The following CPM variants were observed in gnomAD, a reference collection of about 807,000 sequenced individuals.
CPM encodes renal carboxypeptidase.
A neutral mutation model predicts 46.4 loss-of-function variants in CPM; 35 were observed. That is an observed-to-expected ratio of 0.75 (90% CI 0.58 to 1.00). CPM has a LOEUF of 1.00. CPM is among the 50% of genes least tolerant of loss of function. The pLI is 0.00. For missense variants in CPM, 422 were observed against 530.4 expected (o/e 0.80, Z 2.01); for synonymous variants, 195 against 195.3 (o/e 1.00, Z 0.01).
At chr12:68,933,025 G>C (rs1184040687) in intron 1 of CPM, 117 bp downstream of exon 1, 1 of 543,088 alleles carries the variant, frequency 1.8e-6, no homozygotes, top group Non-Finnish European at 3.2e-6. Context: ...CGGGAGCACG[G>C]GCAGCCTCGG....
chr12:68,879,405 C>A (rs747907137), intron 3 of CPM, among the ~76,000 whole-genome samples: 3 of 152,016 alleles, frequency 2.0e-5, no homozygotes, highest in Non-Finnish European at 2.9e-5. Flanking sequence ...GCTTTGTCAC[C>A]CAGGCTGAAG....
chr12:68,865,973 C>T (rs913073667), intron 7 of CPM, among the ~76,000 whole-genome samples: 1 of 152,106 alleles, frequency 6.6e-6, no homozygotes, highest in African/African-American at 2.4e-5. Context: ...CCGGTGAGTC[C>T]ACTGCACGTT....
chr12:68,861,807 C>T (rs1280110455), intron 7 of CPM, among the ~76,000 whole-genome samples: 1 of 148,996 alleles, frequency 6.7e-6, no homozygotes, highest in Non-Finnish European at 1.5e-5. Flanking sequence ...GGATTACAGG[C>T]GTGAGCCATC....
intron 2 of CPM, among the ~76,000 whole-genome samples, chr12:68,900,504 A>T (rs888706215): frequency 6.6e-6 from 1 of 152,244 alleles, no homozygotes; most frequent in Non-Finnish European, 1.5e-5. Flanking sequence ...TACTCTTGCC[A>T]TATGATCCAG....
downstream of CPM, chr12:68,848,154 TCATTAAA>T (rs940098030): frequency 1.3e-5 from 2 of 152,320 alleles, no homozygotes; most frequent in African/African-American, 4.8e-5. Context: ...AACAGTATGT[TCATTAAA>T]CATTAATCTC....
At chr12:68,961,920 G>T (rs759886851) in intron 1 of CPM, among the ~76,000 whole-genome samples, 29 of 152,172 alleles carry the variant, frequency 1.9e-4, no homozygotes, top group Non-Finnish European at 3.7e-4. Context: ...GGTAATAATG[G>T]CCGGGCGTGG....
chr12:68,858,778 A>C, intron 8 of CPM, 145 bp downstream of exon 8: 1 of 412,408 alleles, frequency 2.4e-6, no homozygotes, highest in Non-Finnish European at 4.1e-6. Flanking sequence ...ACCTCCTGCC[A>C]ATTGCAAGTC....
chr12:68,900,525 C>A (rs1887070117), intron 2 of CPM, among the ~76,000 whole-genome samples: 1 of 152,128 alleles, frequency 6.6e-6, no homozygotes, highest in African/African-American at 2.4e-5. Context: ...CAAACAAGCT[C>A]CTTGTTATTT....
chr12:68,905,796 G>A (rs577598582), intron 2 of CPM, among the ~76,000 whole-genome samples: 5 of 152,182 alleles, frequency 3.3e-5, no homozygotes, highest in East Asian at 1.9e-4. Flanking sequence ...AAATAGAAGC[G>A]ATGTCTTGGG....
chr12:68,951,378 AC>A (rs994361260), intron 1 of CPM, among the ~76,000 whole-genome samples: 3 of 152,206 alleles, frequency 2.0e-5, no homozygotes, highest in African/African-American at 7.2e-5. Flanking sequence ...AGGCAAGTTA[AC>A]TAGAGTGTGG....
At chr12:68,895,975 T>C (rs1236052136) in intron 2 of CPM, among the ~76,000 whole-genome samples, 1 of 152,102 alleles carries the variant, frequency 6.6e-6, no homozygotes, top group Non-Finnish European at 1.5e-5. Context: ...CTTCAATGAC[T>C]CCCCATGGCA....
At chr12:68,961,160 T>A (rs942571584) in intron 1 of CPM, among the ~76,000 whole-genome samples, 3 of 151,942 alleles carry the variant, frequency 2.0e-5, no homozygotes, top group Admixed American at 6.6e-5. Flanking sequence ...TTAAAAAAAT[T>A]TTTTTTTGAG....
chr12:68,914,019 C>G (rs1887706720), intron 2 of CPM: 23 of 713,832 alleles, frequency 3.2e-5, no homozygotes, highest in South Asian at 2.9e-4. Flanking sequence ...GGACTGCGGC[C>G]TCTTCAAATC....
rs1393585525 is a variant in CPM at position 68,873,187 on chromosome 12, C to T, written c.259-1231G>A. ...AGTGCTGCAGGCACATTCATGTAGACACTGTGCAAGAAAAGATTTCATGGA... is the reference window on the plus strand; with the variant it reads ...AGTGCTGCAGGCACATTCATGTAGATACTGTGCAAGAAAAGATTTCATGGA... On this transcript the variant is annotated intron_variant, in intron 3 of 8. Transcript: ENST00000551568. 2.6e-5 allele frequency among the ~76,000 whole-genome samples: 4 copies of T among 152,164 alleles called. No individual in the cohort carries two copies. The East Asian group carries it at 7.7e-4, about 29-fold the overall frequency.
intron 7 of CPM, among the ~76,000 whole-genome samples, chr12:68,865,939 G>A (rs1233653669): frequency 6.6e-6 from 1 of 152,140 alleles, no homozygotes; most frequent in Non-Finnish European, 1.5e-5. Context: ...GTTGGGGCCT[G>A]GCAATCTGTT....
At chr12:68,911,669 T>G (rs1887599583) in intron 2 of CPM, among the ~76,000 whole-genome samples, 1 of 152,206 alleles carries the variant, frequency 6.6e-6, no homozygotes, top group Non-Finnish European at 1.5e-5. Flanking sequence ...GCAGTAAGAG[T>G]AGCATATATT....
downstream of CPM, chr12:68,847,544 C>T (rs559091360): frequency 1.4e-5 from 2 of 144,790 alleles, no homozygotes; most frequent in African/African-American, 2.6e-5. Context: ...AGCTCCGCCT[C>T]CCAGGTTCAC....
In CPM at chr12:68,852,162, T is replaced by A. The variant is rs1481501055; in HGVS notation, c.*4275A>T. 2 of 152,232 alleles carry A rather than the reference T, an allele frequency of 1.3e-5. No individual in the cohort carries two copies. The highest frequency in any genetic ancestry group is 2.4e-5 in the African/African-American group (1 of 41,470). The allele number at this position is 152,232 out of a possible 1,614,324, so 9.4% of individuals were successfully genotyped here. The stretch of plus-strand genomic sequence containing the variant: ...TTCTTGGAAAGACTTTTGGAAATGT[T>A]GAGAAAAAGCTTTTAACATTTCAGA... On this transcript the variant is annotated 3_prime_UTR_variant, in exon 9 of 9. Transcript: ENST00000551568.
intron 1 of CPM, among the ~76,000 whole-genome samples, chr12:68,943,169 C>T (rs767773622): frequency 1.3e-5 from 2 of 152,080 alleles, no homozygotes; most frequent in East Asian, 1.9e-4. Context: ...TAGCTTAAAC[C>T]CCAGCTCTGT....
Sources: gnomAD v4.1 joint callset for allele counts (sites outside exome capture counted in the v4.1 genomes callset) on GRCh38, gnomAD v4.1.1 for gene constraint, MANE v1.5 for transcripts, NCBI Gene and HGNC (gene_info 2026-07-23, HGNC 2026-07-21) for gene names.